The following PLEKHG4B variants were observed in gnomAD, a reference collection of about 807,000 sequenced individuals.
The protein encoded by PLEKHG4B is pleckstrin homology domain-containing family G member 4B.
In PLEKHG4B, 111 loss-of-function variants were observed where a neutral mutation model predicts 121.3. The ratio of observed to expected loss-of-function variants is 0.92; its 90% confidence interval spans 0.78 to 1.07. The LOEUF (loss-of-function observed/expected upper bound fraction) is 1.07, where lower values mean the gene tolerates loss of function less well. Ranked by LOEUF, PLEKHG4B falls within the 50% of genes least tolerant of loss-of-function variation. The pLI is 0.00. For missense variants in PLEKHG4B, 1,831 were observed against 1,757.8 expected, an observed-to-expected ratio of 1.04 and a Z score of -0.74; for synonymous variants, 738 against 725.0, an observed-to-expected ratio of 1.02 and a Z score of -0.29.
At chr5:168,797 G>A (rs1736436250) in intron 13 of PLEKHG4B, among the ~76,000 whole-genome samples, 1 of 152,046 alleles carries the variant, frequency 6.6e-6, no homozygotes, top group Non-Finnish European at 1.5e-5. Flanking sequence ...AGGTAACAGG[G>A]AGAGAATGAG....
chr5:113,130 A>G lies in PLEKHG4B; in HGVS notation c.46-121A>G, dbSNP rs1180966809. The G allele has an allele frequency of 2.5e-6, 1 of 397,848 alleles. No homozygotes were observed. Among genetic ancestry groups the G allele is most frequent in the Admixed American group, 4.4e-5 (1 of 22,698 alleles). 24.6% of individuals were successfully genotyped at this position (397,848 alleles called of 1,614,324 possible). A position where few individuals can be genotyped will look rare whatever the true frequency, so the allele number is the denominator to read the frequency against. On this transcript the variant is annotated intron_variant, in intron 1 of 19. Transcript: ENST00000637938. The surrounding 1 kb of genome is among the most constrained non-coding windows in gnomAD (Gnocchi z 5.2). Reference sequence around the variant, plus strand: ...ATTTTGTCTTTCTCAGTTAACTCACATCATGCCAGACACAGGACAAGGGAC... The same window carrying G: ...ATTTTGTCTTTCTCAGTTAACTCACGTCATGCCAGACACAGGACAAGGGAC...
chr5:181,344 G>A (rs552076620), intron 18 of PLEKHG4B, among the ~76,000 whole-genome samples, 170 bp from the exon 19 acceptor site: 70 of 152,254 alleles, frequency 4.6e-4, no homozygotes, highest in Non-Finnish European at 7.9e-4. Context: ...GCCGAAAACC[G>A]GAATGGGAAG....
At chr5:172,500 G>A (rs1205626440) in intron 16 of PLEKHG4B, among the ~76,000 whole-genome samples, 6 of 152,340 alleles carry the variant, frequency 3.9e-5, no homozygotes, top group East Asian at 1.9e-4. Flanking sequence ...CAAAATGGAC[G>A]CGAGGGCTTT....
chr5:119,338 T>C (rs560740229), intron 2 of PLEKHG4B, among the ~76,000 whole-genome samples: 128 of 152,340 alleles, frequency 8.4e-4, no homozygotes, highest in Middle Eastern at 3.4e-3. Flanking sequence ...ATTGGAACAC[T>C]AAGCTTGTGG....
chr5:173,118 G>A (rs1248666484), intron 17 of PLEKHG4B, 51 bp downstream of exon 17: 21 of 1,579,288 alleles, frequency 1.3e-5, no homozygotes, highest in Non-Finnish European at 1.7e-5. Context: ...GCCCTCCAAG[G>A]GGGTCTCGGA....
At chr5:146,478 C>G in intron 6 of PLEKHG4B, among the ~76,000 whole-genome samples, 1 of 147,324 alleles carries the variant, frequency 6.8e-6, no homozygotes, top group Non-Finnish European at 1.5e-5. Flanking sequence ...CTGCAATCCT[C>G]TCTCCTCCCC....
chr5:117,193 T>G (rs919733111), intron 2 of PLEKHG4B, among the ~76,000 whole-genome samples: 1 of 152,248 alleles, frequency 6.6e-6, no homozygotes, highest in African/African-American at 2.4e-5. Context: ...TACTTGATTT[T>G]ATATTAATTT....
intron 1 of PLEKHG4B, among the ~76,000 whole-genome samples, chr5:110,195 A>C (rs557776148): frequency 6.9e-6 from 1 of 145,914 alleles, no homozygotes; most frequent in South Asian, 2.2e-4. Flanking sequence ...TGCAACGCAC[A>C]TGCACACATC....
intron 13 of PLEKHG4B, 71 bp downstream of exon 13, chr5:163,619 A>C (rs1045264885): frequency 4.7e-6 from 6 of 1,272,572 alleles, no homozygotes; most frequent in Non-Finnish European, 6.3e-6. Flanking sequence ...CCATTTAGGC[A>C]GTAAACTCTC....
chr5:174,163 C>T (rs1736674747), intron 18 of PLEKHG4B, 65 bp downstream of exon 18: 1 of 722,328 alleles, frequency 1.4e-6, no homozygotes. Context: ...GGGGTCGGGG[C>T]TGGGACTGGG....
At chr5:97,752 T>C (rs898647202) in intron 1 of PLEKHG4B, among the ~76,000 whole-genome samples, 7 of 152,170 alleles carry the variant, frequency 4.6e-5, no homozygotes, top group African/African-American at 1.7e-4. Flanking sequence ...TGAACATGTG[T>C]TTACAAGTTT....
intron 1 of PLEKHG4B, among the ~76,000 whole-genome samples, chr5:108,970 G>A (rs989609985): frequency 6.6e-6 from 1 of 152,160 alleles, no homozygotes; most frequent in African/African-American, 2.4e-5. Flanking sequence ...GTGACCAGGT[G>A]GCAGCCCAGA....
chr5:92,548 G>T (rs551505904), intron 1 of PLEKHG4B, among the ~76,000 whole-genome samples: 1 of 149,676 alleles, frequency 6.7e-6, no homozygotes, highest in Non-Finnish European at 1.5e-5. Context: ...TGGGGTGGGA[G>T]GGGGCGCGGG....
At chr5:181,458 G>C in intron 18 of PLEKHG4B, 56 bp from the exon 19 acceptor site, 1 of 1,565,168 alleles carries the variant, frequency 6.4e-7, no homozygotes, top group Non-Finnish European at 8.7e-7. Context: ...GGCGTCTTTG[G>C]GGTGGCATTA....
At position 143,193 on chromosome 5, in the gene PLEKHG4B, G is replaced by A. The variant is rs1198267827; in HGVS notation, c.1624G>A (p.Val542Met). 24 of 1,611,566 alleles carry A rather than the reference G, an allele frequency of 1.5e-5. 1 individual carries two copies. In the South Asian group the frequency reaches 2.5e-4, roughly 17 times the overall value. ...CGGCACAGGAGACTTCCCCAGCCAG[G>A]TGCCCAAGCAGGTGCTGGACGTCAG... ...PPGTGDFPSQ[V>M]PKQVLDVSQE... Residue 542 changes from valine (V) to methionine (M), a missense_variant, in exon 4 of 20, where the codon GTG becomes ATG. Physicochemically the swap from Val to Met is conservative, Grantham distance 21 (BLOSUM62 1). Coordinates refer to ENST00000637938, the MANE Select transcript of PLEKHG4B (RefSeq NM_052909.5).
At chr5:149,875 T>G (rs1735546135) in intron 6 of PLEKHG4B, among the ~76,000 whole-genome samples, 1 of 152,206 alleles carries the variant, frequency 6.6e-6, no homozygotes, top group African/African-American at 2.4e-5. Context: ...CAACAAGTGT[T>G]GGCAAAGATA....
At chr5:173,116 A>AG (rs761988287) in intron 17 of PLEKHG4B, 49 bp downstream of exon 17, 1 of 1,585,536 alleles carries the variant, frequency 6.3e-7, no homozygotes, top group Admixed American at 1.7e-5. Context: ...AGGCCCTCCA[A>AG]GGGGGTCTCG....
At position 182,296 on chromosome 5, in the gene PLEKHG4B, G is replaced by A. The variant is rs1375028057; in HGVS notation, c.4857G>A (p.Val1619=). Residue 1619 remains valine, a synonymous_variant, in exon 20 of 20, where the codon GTG becomes GTA. Transcript: ENST00000637938. ...QAAVCEGAPA[V]LLSRTRQA is the part of the protein sequence containing the mutation. ...CAGTGTGTGAGGGGGCTCCTGCTGT[G>A]CTGCTGAGCCGCACACGCCAGGCCT... The A allele has an allele frequency of 6.2e-7, 1 of 1,610,540 alleles. No individual in the cohort carries two copies.
intron 1 of PLEKHG4B, among the ~76,000 whole-genome samples, chr5:94,508 G>A (rs1193959038): frequency 2.1e-5 from 3 of 144,116 alleles, no homozygotes; most frequent in Non-Finnish European, 3.0e-5. Flanking sequence ...GAGGTGGCAG[G>A]TTCCATCCTG....
Sources: gnomAD v4.1 joint callset for allele counts (sites outside exome capture counted in the v4.1 genomes callset) on GRCh38, gnomAD v4.1.1 for gene constraint, Gnocchi (gnomAD v3.1) non-coding constraint, MANE v1.5 for transcripts, NCBI Gene and HGNC (gene_info 2026-07-23, HGNC 2026-07-21) for gene names.